The following RUNDC1 variants were observed in gnomAD, a reference collection of about 807,000 sequenced individuals.
The protein encoded by RUNDC1 is RUN domain containing 1.
In RUNDC1, 31 loss-of-function variants were observed where a neutral mutation model predicts 49.3. The observed-to-expected ratio is 0.63, with a 90% CI of 0.47 to 0.85. RUNDC1 has a LOEUF of 0.85. RUNDC1 is among the 40% of genes least tolerant of loss of function. The pLI is 0.00. For missense variants in RUNDC1, 715 were observed against 806.7 expected (o/e 0.89, Z 1.38); for synonymous variants, 347 against 348.6 (o/e 1.00, Z 0.05).
At chr17:42,984,988 T>G (rs1025818272) in intron 1 of RUNDC1, among the ~76,000 whole-genome samples, 1 of 143,608 alleles carries the variant, frequency 7.0e-6, no homozygotes, top group Non-Finnish European at 1.5e-5. Flanking sequence ...CTCCGCCTCC[T>G]GGGTTCAAGC....
chr17:42,981,665 GAC>G (rs2050091171), intron 1 of RUNDC1: 1 of 152,248 alleles, frequency 6.6e-6, no homozygotes, highest in African/African-American at 2.4e-5. Flanking sequence ...CTTTTTAAGA[GAC>G]GGGAGGGTCT....
At chr17:42,987,093 A>G (rs2050181312) in intron 1 of RUNDC1, among the ~76,000 whole-genome samples, 163 bp from the exon 2 acceptor site, 1 of 152,214 alleles carries the variant, frequency 6.6e-6, no homozygotes, top group African/African-American at 2.4e-5. Flanking sequence ...CTAGGATGAA[A>G]TAATTATTCT....
intron 2 of RUNDC1, among the ~76,000 whole-genome samples, chr17:42,987,657 A>G (rs1370165827): frequency 6.6e-6 from 1 of 152,232 alleles, no homozygotes; most frequent in African/African-American, 2.4e-5. Flanking sequence ...ATTGTAATTA[A>G]TAATAGAAAT....
At position 42,990,513 on chromosome 17, in the gene RUNDC1, TGAG is replaced by T. The variant is rs535922698; in HGVS notation, c.976+81_976+83del. ...GTGGTTGCCTAGGGCTTGGGTGTGT[TGAG>T]GAGAAGAGGGGAATGAGAAATGCTG... is the stretch of plus-strand genomic sequence containing the variant. On this transcript the variant is annotated intron_variant, in intron 4 of 4. Coordinates refer to ENST00000361677, the MANE Select transcript of RUNDC1 (RefSeq NM_173079.5). The T allele has an allele frequency of 3.9e-3, 5,709 of 1,450,184 alleles. 34 individuals carry two copies. Among genetic ancestry groups the T allele is most frequent in the Non-Finnish European group, 3.6e-3 (3,809 of 1,048,964 alleles). 89.8% of individuals were successfully genotyped at this position (1,450,184 alleles called of 1,614,324 possible).
At chr17:42,987,193 T>C in intron 1 of RUNDC1, 63 bp from the exon 2 acceptor site, 1 of 1,343,904 alleles carries the variant, frequency 7.4e-7, no homozygotes, top group Admixed American at 1.8e-5. Context: ...CTCGAGCAGA[T>C]TCTTAATGTG....
At chr17:42,987,533 T>C (rs1200023217) in intron 2 of RUNDC1, 119 bp downstream of exon 2, 3 of 918,434 alleles carry the variant, frequency 3.3e-6, no homozygotes, top group Non-Finnish European at 3.3e-6. Context: ...ATCCCTCTGC[T>C]GGCCCAAATC....
intron 3 of RUNDC1, 108 bp from the exon 4 acceptor site, chr17:42,990,209 A>T: frequency 7.0e-7 from 1 of 1,425,112 alleles, no homozygotes; most frequent in Non-Finnish European, 9.5e-7. Flanking sequence ...ATAGGACAAG[A>T]GTTTGTGAAA....
intron 2 of RUNDC1, among the ~76,000 whole-genome samples, chr17:42,988,908 T>C (rs1405425447): frequency 6.6e-6 from 1 of 152,084 alleles, no homozygotes; most frequent in African/African-American, 2.4e-5. Flanking sequence ...GCACAGGAGT[T>C]TGAGGTTACA....
chr17:42,990,461 A>T, intron 4 of RUNDC1, 25 bp downstream of exon 4: 1 of 1,612,308 alleles, frequency 6.2e-7, no homozygotes, highest in South Asian at 1.1e-5. Context: ...CAGAACAGGC[A>T]AATCTCTAGA....
At position 42,991,554 on chromosome 17, in the gene RUNDC1, G is replaced by T; in HGVS notation, c.1680G>T (p.Lys560Asn). The change falls in exon 5 of 5, where the codon AAG (lysine) becomes AAT (asparagine). Residue 560 changes from lysine to asparagine, a missense_variant. Around this residue, in one of 5 missense-constraint regions of RUNDC1, gnomAD observed 425 missense variants for 499.7 expected, o/e 0.85. Transcript: ENST00000361677. ...TGTCCTGGGTGAACCTCATCTGCAA[G>T]TCCGGGTCACTCATCGAGCCTCACT... Reference protein sequence around the residue: ...RLVSWVNLICKSGSLIEPHYQ... With the variant: ...RLVSWVNLICNSGSLIEPHYQ... 6.2e-7 allele frequency: 1 copy of T among 1,614,208 alleles called. No individual in the cohort carries two copies. The highest frequency in any genetic ancestry group is 8.5e-7 in the Non-Finnish European group (1 of 1,180,044).
rs945576436 is a variant in RUNDC1, at chr17:42,980,584, C to T, written c.8C>T (p.Ala3Val). 69 of 1,609,370 alleles carry T rather than the reference C, an allele frequency of 4.3e-5. No homozygotes were observed. Among genetic ancestry groups the T allele is most frequent in the Non-Finnish European group, 4.7e-5 (56 of 1,179,054 alleles). MA[A>V]VEAAAEPVTV... Reference sequence around the variant, plus strand: ...GGTGGTGTTTCCGGGAAGATGGCGGCTGTCGAAGCGGCTGCAGAGCCGGTA... The same window carrying T: ...GGTGGTGTTTCCGGGAAGATGGCGGTTGTCGAAGCGGCTGCAGAGCCGGTA... Residue 3 changes from alanine (A) to valine (V), a missense_variant, in exon 1 of 5, where the codon GCT (alanine) becomes GTT (valine). Ala to Val is a moderately conservative substitution (Grantham distance 64, BLOSUM62 0). Transcript: ENST00000361677.
Position 42,980,700 on chromosome 17 carries a change from C to T in RUNDC1, c.124C>T (p.Pro42Ser), listed in dbSNP as rs1342244925. The change falls in exon 1 of 5, where the codon CCA becomes TCA. Residue 42 changes from proline to serine, a missense_variant. Coordinates refer to ENST00000361677, the MANE Select transcript of RUNDC1 (RefSeq NM_173079.5). ...LPPCEAVRWA[P>S]VGAVAEARPG... ...ACCGTGCGAGGCGGTGCGCTGGGCC[C>T]CAGTGGGGGCGGTGGCGGAGGCCCG... 4.5e-6 allele frequency: 7 copies of T among 1,561,974 alleles called. No homozygotes were observed. Among genetic ancestry groups the T allele is most frequent in the Non-Finnish European group, 6.0e-6 (7 of 1,157,286 alleles).
intron 1 of RUNDC1, chr17:42,985,708 G>A (rs2050162655): frequency 1.0e-6 from 1 of 980,706 alleles, no homozygotes; most frequent in Non-Finnish European, 1.2e-6. Context: ...TCTAGTTTAA[G>A]ACGCAGCCTT....
At chr17:42,985,463 G>C (rs1000585429) in intron 1 of RUNDC1, among the ~76,000 whole-genome samples, 1 of 152,098 alleles carries the variant, frequency 6.6e-6, no homozygotes, top group African/African-American at 2.4e-5. Context: ...AGTGGGATAG[G>C]GTTCTAACAG....
At chr17:42,983,270 T>G (rs2050127489) in intron 1 of RUNDC1, among the ~76,000 whole-genome samples, 1 of 151,126 alleles carries the variant, frequency 6.6e-6, no homozygotes, top group Non-Finnish European at 1.5e-5. Flanking sequence ...TAATCTTGTA[T>G]TTATACATTG....
Position 42,987,034 on chromosome 17 carries a change from A to G in RUNDC1, c.499-222A>G, listed in dbSNP as rs139099746. Among the ~76,000 whole-genome samples the G allele has an allele frequency of 2.7e-3, 411 of 152,302 alleles. 1 individual carries two copies. The highest frequency in any genetic ancestry group is 9.2e-3 in the African/African-American group (384 of 41,558). ...CTCATTGTATTAATATCCTATTTCC[A>G]ATGAGGGACAGATAGTTTCTTAAAG... On this transcript the variant is annotated intron_variant, in intron 1 of 4. Transcript: ENST00000361677.
At position 42,989,373 on chromosome 17, in the gene RUNDC1, C is replaced by G. The variant is rs1382423338; in HGVS notation, c.690C>G (p.Asp230Glu). 1.9e-6 allele frequency: 3 copies of G among 1,613,908 alleles called. No homozygotes were observed. The African/African-American group carries it at 4.0e-5, about 22-fold the overall frequency. ...TAGATGAGTTAATAAAGAAACTGGACATGAATCTGAATGAGGACATCAGTT... is the reference window on the plus strand; with the variant it reads ...TAGATGAGTTAATAAAGAAACTGGAGATGAATCTGAATGAGGACATCAGTT... The part of the protein sequence containing the change: ...VIIDELIKKL[D>E]MNLNEDISSL... Residue 230 changes from aspartate (D) to glutamate (E), a missense_variant, in exon 3 of 5, where the codon GAC becomes GAG. Transcript: ENST00000361677.
Position 42,980,645 on chromosome 17 carries a change from C to T in RUNDC1, c.69C>T (p.Asp23=), listed in dbSNP as rs2050061779. 7 of 1,601,710 alleles carry T rather than the reference C, an allele frequency of 4.4e-6. No homozygotes were observed. In the Admixed American group the frequency reaches 1.2e-4, roughly 28 times the overall value. Reference sequence around the variant, plus strand: ...CGGCTGTTGGGCCAAAGGCGAAAGACGAAGAGGAGGAGGAAGAGGAGCCGC... The same window carrying T: ...CGGCTGTTGGGCCAAAGGCGAAAGATGAAGAGGAGGAGGAAGAGGAGCCGC... ...VVAAVGPKAK[D]EEEEEEEPLP... The change falls in exon 1 of 5, where the codon GAC becomes GAT. Residue 23 remains aspartate, a synonymous_variant. Transcript: ENST00000361677.
chr17:42,985,435 G>C (rs2151957908), intron 1 of RUNDC1, among the ~76,000 whole-genome samples: 1 of 152,224 alleles, frequency 6.6e-6, no homozygotes, highest in East Asian at 1.9e-4. Context: ...GGAGAACTAG[G>C]CCTTCACCAA....
Sources: allele counts gnomAD v4.1 joint callset (sites outside exome capture counted in the v4.1 genomes callset), GRCh38; gene constraint gnomAD v4.1.1; regional missense constraint gnomAD v4.1.1; transcripts MANE v1.5; gene names NCBI Gene and HGNC (gene_info 2026-07-23, HGNC 2026-07-21).